PPFIBP1: variants seen among roughly 807,000 people sequenced by gnomAD.
PPFIBP1 encodes the protein liprin-beta-1.
A neutral mutation model predicts 137.8 loss-of-function variants in PPFIBP1; 112 were observed. That is an observed-to-expected ratio of 0.81 (90% CI 0.70 to 0.95). The LOEUF (loss-of-function observed/expected upper bound fraction) is 0.95. Ranked by LOEUF, PPFIBP1 falls within the 40% of genes least tolerant of loss-of-function variation. The pLI is 0.00. For synonymous variants in PPFIBP1, 378 were observed against 417.3 expected (o/e 0.91, Z 1.15); for missense variants, 1,083 against 1,196.6 (o/e 0.91, Z 1.40).
chr12:27,633,003 T>C (rs2057368691), intron 2 of PPFIBP1, among the ~76,000 whole-genome samples: 1 of 152,200 alleles, frequency 6.6e-6, no homozygotes, highest in East Asian at 1.9e-4. Flanking sequence ...TGGGTGGGGC[T>C]GGTAAAGGGA....
chr12:27,587,173 T>C (rs563884444), intron 2 of PPFIBP1, among the ~76,000 whole-genome samples: 1 of 152,338 alleles, frequency 6.6e-6, no homozygotes. Flanking sequence ...GAAAATTCTT[T>C]GCAGCCAGCT....
intron 8 of PPFIBP1, among the ~76,000 whole-genome samples, chr12:27,656,080 G>A (rs7134786): frequency 0.83 from 126,656 of 152,216 alleles, 52,851 homozygotes; most frequent in East Asian, 1. Flanking sequence ...CTGTCCTTTT[G>A]TCTTAGTGAT....
At chr12:27,591,826 A>G (rs1280605772) in intron 2 of PPFIBP1, among the ~76,000 whole-genome samples, 2 of 152,206 alleles carry the variant, frequency 1.3e-5, no homozygotes, top group Middle Eastern at 3.2e-3. Flanking sequence ...CCTGTCAGGT[A>G]CCTGGGGAAT....
chr12:27,685,896 T>C (rs905918816), intron 24 of PPFIBP1, among the ~76,000 whole-genome samples: 1 of 152,186 alleles, frequency 6.6e-6, no homozygotes. Context: ...TTTAAAAAAA[T>C]TGGGAAGAAA....
rs568996776 is a variant in PPFIBP1 at position 27,534,342 on chromosome 12, C to T, written c.-124+9977C>T. Reference sequence around the variant, plus strand: ...ACGAATTGAGTAAGTTCACTGCAGGCGGTCTGCATTGATTTATCAGTAGAG... The same window carrying T: ...ACGAATTGAGTAAGTTCACTGCAGGTGGTCTGCATTGATTTATCAGTAGAG... On this transcript the variant is annotated intron_variant, in intron 1 of 29. Coordinates refer to ENST00000228425, the MANE Select transcript of PPFIBP1 (RefSeq NM_003622.4). Among the ~76,000 whole-genome samples, 57 of 152,106 alleles carry T rather than the reference C, an allele frequency of 3.7e-4. No homozygotes were observed. The South Asian group carries it at 0.011, about 30-fold the overall frequency.
intron 1 of PPFIBP1, among the ~76,000 whole-genome samples, chr12:27,540,312 A>G (rs1010885711): frequency 6.6e-6 from 1 of 152,026 alleles, no homozygotes; most frequent in African/African-American, 2.4e-5. Context: ...AAGATGAAAC[A>G]AGATAATGAA....
chr12:27,620,387 A>G (rs1249697984), intron 2 of PPFIBP1, among the ~76,000 whole-genome samples: 1 of 152,016 alleles, frequency 6.6e-6, no homozygotes, highest in Admixed American at 6.5e-5. Context: ...TCAAACATCA[A>G]CTACATGAAG....
At chr12:27,631,788 A>G (rs2057290749) in intron 2 of PPFIBP1, among the ~76,000 whole-genome samples, 2 of 152,230 alleles carry the variant, frequency 1.3e-5, no homozygotes, top group African/African-American at 4.8e-5. Flanking sequence ...GTTGCTAACA[A>G]AGACGAATAT....
chr12:27,644,084 TTTG>T, intron 4 of PPFIBP1, among the ~76,000 whole-genome samples: 1 of 151,686 alleles, frequency 6.6e-6, no homozygotes, highest in African/African-American at 2.4e-5. Context: ...AGTTTGTTTG[TTTG>T]TTTTCTTAAG....
At chr12:27,658,917 T>A in intron 10 of PPFIBP1, 69 bp downstream of exon 10, 1 of 1,464,764 alleles carries the variant, frequency 6.8e-7, no homozygotes, top group Non-Finnish European at 9.4e-7. Context: ...GTTCTTTGCA[T>A]GTGTTTTAAA....
intron 1 of PPFIBP1, among the ~76,000 whole-genome samples, chr12:27,532,996 G>A (rs546424806): frequency 3.9e-5 from 6 of 152,198 alleles, no homozygotes; most frequent in South Asian, 4.2e-4. Flanking sequence ...AGAATGGCCC[G>A]TATACAAAAG....
chr12:27,579,445 C>T lies in PPFIBP1; in HGVS notation c.-36+1206C>T, dbSNP rs115347921. Among the ~76,000 whole-genome samples, 407 of 152,340 alleles carry T rather than the reference C, an allele frequency of 2.7e-3. 1 individual carries two copies. The highest frequency in any genetic ancestry group is 9.0e-3 in the African/African-American group (375 of 41,580). On this transcript the variant is annotated intron_variant, in intron 2 of 29. Coordinates refer to ENST00000228425, the MANE Select transcript of PPFIBP1 (RefSeq NM_003622.4). Reference sequence around the variant, plus strand: ...ACCAGCACCTCAGAGCCTTCCTCCCCTCATGCTCCAGAAGCAACCGGTATC... The same window carrying T: ...ACCAGCACCTCAGAGCCTTCCTCCCTTCATGCTCCAGAAGCAACCGGTATC...
chr12:27,661,845 T>C (rs1197311809), intron 11 of PPFIBP1, among the ~76,000 whole-genome samples: 1 of 152,234 alleles, frequency 6.6e-6, no homozygotes, highest in Non-Finnish European at 1.5e-5. Context: ...ATTTGCTCTT[T>C]ATTGCCTGGA....
At chr12:27,692,477 C>T (rs147311705) in intron 28 of PPFIBP1, 114 bp from the exon 29 acceptor site, 36 of 941,330 alleles carry the variant, frequency 3.8e-5, no homozygotes, top group African/African-American at 2.9e-4. Flanking sequence ...TTCTGTTGCT[C>T]TTACCCCATT....
chr12:27,652,534 C>G (rs528723861), intron 7 of PPFIBP1, among the ~76,000 whole-genome samples: 1 of 152,264 alleles, frequency 6.6e-6, no homozygotes, highest in African/African-American at 2.4e-5. Flanking sequence ...GAGCCATTTC[C>G]AGATTTTCCA....
intron 2 of PPFIBP1, among the ~76,000 whole-genome samples, chr12:27,612,844 G>A (rs567170460): frequency 1.3e-5 from 2 of 152,150 alleles, no homozygotes; most frequent in South Asian, 2.1e-4. Context: ...CTCTCCTCAA[G>A]TATATTCCAA....
chr12:27,537,908 CA>C (rs1236429813), intron 1 of PPFIBP1, among the ~76,000 whole-genome samples: 1 of 152,166 alleles, frequency 6.6e-6, no homozygotes, highest in Non-Finnish European at 1.5e-5. Flanking sequence ...TGGTGTGAAG[CA>C]ACCTGAATGT....
chr12:27,631,295 C>T (rs1025681995), intron 2 of PPFIBP1, among the ~76,000 whole-genome samples: 4 of 152,058 alleles, frequency 2.6e-5, no homozygotes, highest in Non-Finnish European at 4.4e-5. Context: ...CTGAACTGGA[C>T]GATTTTGATT....
intron 8 of PPFIBP1, chr12:27,655,200 A>G (rs1443069143): frequency 2.0e-6 from 3 of 1,535,876 alleles, no homozygotes; most frequent in East Asian, 2.4e-5. Flanking sequence ...GCAGTATGAA[A>G]AGCAGCGGAT....
Sources: allele counts gnomAD v4.1 joint callset (sites outside exome capture counted in the v4.1 genomes callset), GRCh38; gene constraint gnomAD v4.1.1; transcripts MANE v1.5; gene names NCBI Gene and HGNC (gene_info 2026-07-23, HGNC 2026-07-21).